The following STIM1 variants were observed in gnomAD, a reference collection of about 807,000 sequenced individuals.
STIM1 encodes the protein stromal interaction molecule 1.
In STIM1, 25 loss-of-function variants were observed where a neutral mutation model predicts 74.7. That is an observed-to-expected ratio of 0.33 (90% CI 0.24 to 0.47). The LOEUF is 0.47. Ranked by LOEUF, STIM1 falls within the 20% of genes least tolerant of loss-of-function variation. The probability of loss-of-function intolerance (pLI) is 1.00; values close to 1 mark genes in which losing one functional copy is unlikely to be tolerated. For synonymous variants in STIM1, 328 were observed against 348.8 expected, an observed-to-expected ratio of 0.94 and a Z score of 0.66; for missense variants, 728 against 920.8, an observed-to-expected ratio of 0.79 and a Z score of 2.71.
At chr11:3,950,642 T>C (rs1187381448) in intron 1 of STIM1, among the ~76,000 whole-genome samples, 7 of 152,262 alleles carry the variant, frequency 4.6e-5, no homozygotes, top group South Asian at 4.1e-4. Context: ...TTTTATTTTT[T>C]TGAGAGAAGG....
At position 4,091,378 on chromosome 11, in the gene STIM1, G is replaced by A; in HGVS notation, c.1731G>A (p.Glu577=). 1 of 1,614,230 alleles carries A rather than the reference G, an allele frequency of 6.2e-7. No homozygotes were observed. ...CTCAGATGAGCCGTGCTGCAGACGA[G>A]GCTCTCAATGCCATGACTTCCAATG... ...KPPQMSRAAD[E]ALNAMTSNGS... The change falls in exon 13 of 13, where the codon GAG becomes GAA. Residue 577 remains glutamate (E), a synonymous_variant. Coordinates refer to ENST00000526596, the MANE Select transcript of STIM1 (RefSeq NM_001382567.1).
chr11:3,979,664 T>C (rs1462295816), intron 2 of STIM1, among the ~76,000 whole-genome samples: 2 of 152,144 alleles, frequency 1.3e-5, no homozygotes, highest in Non-Finnish European at 2.9e-5. Context: ...GGTATTGAAC[T>C]CCTGGTCTCA....
At chr11:3,857,954 CCTT>C (rs2090449537) in intron 1 of STIM1, among the ~76,000 whole-genome samples, 2 of 152,316 alleles carry the variant, frequency 1.3e-5, no homozygotes, top group Middle Eastern at 6.8e-3. Flanking sequence ...TAGAGAGTCT[CCTT>C]GACCTTTGAG....
At chr11:3,929,781 G>A (rs140254263) in intron 1 of STIM1, among the ~76,000 whole-genome samples, 313 of 152,224 alleles carry the variant, frequency 2.1e-3, no homozygotes, top group Non-Finnish European at 2.5e-3. Flanking sequence ...TTCTGCAATC[G>A]TTGGTCTGAA....
chr11:4,011,931 T>C (rs1048807785), intron 2 of STIM1, among the ~76,000 whole-genome samples: 6 of 152,236 alleles, frequency 3.9e-5, no homozygotes, highest in African/African-American at 1.2e-4. Flanking sequence ...CAGTTTCAGC[T>C]TTTTACATAT....
rs924197310 is a variant in STIM1, at chr11:3,926,719, A to G, written c.140-40833A>G. On this transcript the variant is annotated intron_variant, in intron 1 of 12. Transcript: ENST00000526596. Reference sequence around the variant, plus strand: ...TGTGTGGACAGTCATCTCTCTTCCAATAGAATTTTGTATCTGCAGCTAATT... The same window carrying G: ...TGTGTGGACAGTCATCTCTCTTCCAGTAGAATTTTGTATCTGCAGCTAATT... 1.1e-4 allele frequency among the ~76,000 whole-genome samples: 17 copies of G among 152,342 alleles called. 1 individual carries two copies. Among genetic ancestry groups the G allele is most frequent in the Admixed American group, 7.8e-4 (12 of 15,296 alleles).
intron 6 of STIM1, among the ~76,000 whole-genome samples, chr11:4,072,912 C>A (rs1276994109): frequency 6.6e-6 from 1 of 152,132 alleles, no homozygotes; most frequent in African/African-American, 2.4e-5. Flanking sequence ...GGGTTCAACT[C>A]CCTTTCTCTT....
At chr11:3,854,978 C>T (rs893437197), upstream of STIM1, 3 of 152,296 alleles carry the variant, frequency 2.0e-5, no homozygotes, top group East Asian at 3.9e-4. Context: ...TAGCTTCACT[C>T]GGCAACCCTC....
At chr11:3,943,127 G>A (rs866479175) in intron 1 of STIM1, among the ~76,000 whole-genome samples, 1 of 152,182 alleles carries the variant, frequency 6.6e-6, no homozygotes. Flanking sequence ...TGCATGCTCA[G>A]CCTTCTGCCA....
Position 4,064,726 on chromosome 11 carries a change from C to T in STIM1, c.614-5300C>T, listed in dbSNP as rs575256464. 2.0e-3 allele frequency among the ~76,000 whole-genome samples: 304 copies of T among 152,260 alleles called. 1 individual carries two copies. Among genetic ancestry groups the T allele is most frequent in the African/African-American group, 7.0e-3 (291 of 41,532 alleles). On this transcript the variant is annotated intron_variant, in intron 5 of 12. Coordinates refer to ENST00000526596, the MANE Select transcript of STIM1 (RefSeq NM_001382567.1). ...ATCAGACTGGCTCAGCAGAGGGCCACCTCAAGGTCCATTTTCTGACAGTAG... is the reference window on the plus strand; with the variant it reads ...ATCAGACTGGCTCAGCAGAGGGCCATCTCAAGGTCCATTTTCTGACAGTAG...
intron 1 of STIM1, among the ~76,000 whole-genome samples, chr11:3,915,272 T>A (rs546603108): frequency 1.2e-4 from 18 of 152,322 alleles, no homozygotes; most frequent in African/African-American, 4.3e-4. Context: ...TTTTATTTTT[T>A]AGAGACGAGA....
rs1214313557 is a variant in STIM1 at position 4,070,010 on chromosome 11, C to G, written c.614-16C>G. On this transcript the variant is annotated splice_polypyrimidine_tract_variant and intron_variant, in intron 5 of 12. Coordinates refer to ENST00000526596, the MANE Select transcript of STIM1 (RefSeq NM_001382567.1). Reference sequence around the variant, plus strand: ...AGTGGGCACCCTAACTCATCATGCCCTCCCCTCTCTGGCAGTGACTCGCCA... The same window carrying G: ...AGTGGGCACCCTAACTCATCATGCCGTCCCCTCTCTGGCAGTGACTCGCCA... 18 of 1,613,642 alleles carry G rather than the reference C, an allele frequency of 1.1e-5. No individual in the cohort carries two copies. The highest frequency in any genetic ancestry group is 1.5e-5 in the Non-Finnish European group (18 of 1,180,016).
At chr11:3,892,961 G>A in intron 1 of STIM1, 2 of 934,586 alleles carry the variant, frequency 2.1e-6, no homozygotes, top group Non-Finnish European at 3.3e-6. Flanking sequence ...ATAGAGATGG[G>A]GTTTTGCCAT....
At chr11:4,028,477 C>T (rs1014918450) in intron 3 of STIM1, among the ~76,000 whole-genome samples, 2 of 147,648 alleles carry the variant, frequency 1.4e-5, no homozygotes, top group South Asian at 2.2e-4. Flanking sequence ...GGAATGTTCT[C>T]GGCTCACTGC....
chr11:3,874,514 A>G (rs2091247405), intron 1 of STIM1, among the ~76,000 whole-genome samples: 1 of 152,242 alleles, frequency 6.6e-6, no homozygotes, highest in African/African-American at 2.4e-5. Context: ...CTAAATCAGT[A>G]TTCAAATCCA....
intron 1 of STIM1, among the ~76,000 whole-genome samples, chr11:3,938,180 C>T (rs1028160694): frequency 2.0e-5 from 3 of 152,224 alleles, no homozygotes; most frequent in Admixed American, 6.5e-5. Context: ...TCAAGTGATC[C>T]ACCTGCCTTG....
At chr11:4,021,541 A>G (rs930292211) in intron 2 of STIM1, among the ~76,000 whole-genome samples, 3 of 152,084 alleles carry the variant, frequency 2.0e-5, no homozygotes, top group Non-Finnish European at 2.9e-5. Context: ...ATTCTTTTCC[A>G]TGTCTGTTTT....
intron 2 of STIM1, among the ~76,000 whole-genome samples, chr11:4,014,028 G>GT (rs1307659392): frequency 6.6e-6 from 1 of 151,946 alleles, no homozygotes; most frequent in Admixed American, 6.6e-5. Context: ...TTTTTGAAGG[G>GT]TTTTTTGTGT....
intron 1 of STIM1, among the ~76,000 whole-genome samples, chr11:3,895,047 C>T (rs1161903655): frequency 6.6e-6 from 1 of 152,114 alleles, no homozygotes; most frequent in East Asian, 1.9e-4. Context: ...CCGCGCCCGG[C>T]CGACCCTGTT....
Sources: gnomAD v4.1 joint callset for allele counts (sites outside exome capture counted in the v4.1 genomes callset) on GRCh38, gnomAD v4.1.1 for gene constraint, MANE v1.5 for transcripts, NCBI Gene and HGNC (gene_info 2026-07-23, HGNC 2026-07-21) for gene names.